NTRK3: variants seen among roughly 807,000 people sequenced by gnomAD.
NTRK3 encodes NT-3 growth factor receptor.
Under a neutral mutation model 91.7 loss-of-function variants are expected in NTRK3, and 24 were observed. The observed-to-expected ratio is 0.26, with a 90% CI of 0.19 to 0.37. The LOEUF (loss-of-function observed/expected upper bound fraction) is 0.37. Ranked by LOEUF, NTRK3 falls within the 10% of genes least tolerant of loss-of-function variation. The probability of loss-of-function intolerance (pLI) is 1.00; values close to 1 mark genes in which losing one functional copy is unlikely to be tolerated. For synonymous variants in NTRK3, 483 were observed against 404.0 expected, an observed-to-expected ratio of 1.20 and a Z score of -2.34; for missense variants, 880 against 1,068.9, an observed-to-expected ratio of 0.82 and a Z score of 2.46.
At chr15:88,252,631 C>CA (rs2053528347) in intron 3 of NTRK3, 1 of 152,464 alleles carries the variant, frequency 6.6e-6, no homozygotes, top group African/African-American at 2.4e-5. Flanking sequence ...GCGGCCCAGA[C>CA]AGTCCACCAT....
intron 16 of NTRK3, among the ~76,000 whole-genome samples, chr15:87,932,740 G>A (rs1438638261): frequency 6.6e-6 from 1 of 152,146 alleles, no homozygotes; most frequent in African/African-American, 2.4e-5. Context: ...GACTCCTTCT[G>A]GACCTATTCC....
chr15:88,227,216 C>G lies in NTRK3; in HGVS notation c.248+28690G>C, dbSNP rs182569966. 9.4e-4 allele frequency among the ~76,000 whole-genome samples: 143 copies of G among 152,280 alleles called. 1 individual carries two copies. The highest frequency in any genetic ancestry group is 3.2e-3 in the African/African-American group (134 of 41,554). On this transcript the variant is annotated intron_variant, in intron 3 of 18. Transcript: ENST00000394480. Reference sequence around the variant, plus strand: ...TCCTTCAGGCTCTCCCATCCACTGGCTCTTCCTTTGTGCCCACATTTCCCT... The same window carrying G: ...TCCTTCAGGCTCTCCCATCCACTGGGTCTTCCTTTGTGCCCACATTTCCCT...
chr15:88,094,395 G>A (rs2049358909), intron 13 of NTRK3, among the ~76,000 whole-genome samples: 1 of 150,674 alleles, frequency 6.6e-6, no homozygotes. Flanking sequence ...CGTGAACCCG[G>A]GAAGCGGAGC....
chr15:87,890,457 A>T (rs2065797878), intron 17 of NTRK3, among the ~76,000 whole-genome samples: 1 of 152,146 alleles, frequency 6.6e-6, no homozygotes, highest in African/African-American at 2.4e-5. Context: ...AGATAAATTC[A>T]TTCTCTTTAT....
At chr15:87,951,342 G>C (rs1438962654) in intron 14 of NTRK3, among the ~76,000 whole-genome samples, 1 of 152,196 alleles carries the variant, frequency 6.6e-6, no homozygotes, top group Admixed American at 6.5e-5. Context: ...GCAGCTCAGA[G>C]GAAACCAGTT....
intron 5 of NTRK3, among the ~76,000 whole-genome samples, chr15:88,179,072 C>T (rs770485707): frequency 1.3e-5 from 2 of 152,194 alleles, no homozygotes; most frequent in Non-Finnish European, 2.9e-5. Flanking sequence ...ATGTTTGCAT[C>T]TATGAAATGG....
chr15:87,873,414 T>C (rs1055694993), exon 19 of NTRK3: 14 of 230,608 alleles, frequency 6.1e-5, no homozygotes, highest in African/African-American at 2.4e-4. Context: ...GGAGGTCCCA[T>C]GGCCACAACA....
intron 10 of NTRK3, among the ~76,000 whole-genome samples, chr15:88,134,804 G>A: frequency 6.6e-6 from 1 of 152,232 alleles, no homozygotes; most frequent in Non-Finnish European, 1.5e-5. Context: ...AAAGGGCTGG[G>A]TCAGAATTCT....
Position 87,929,859 on chromosome 15 carries a change from G to A in NTRK3, c.1890-425C>T, listed in dbSNP as rs118165001. Among the ~76,000 whole-genome samples the A allele has an allele frequency of 7.9e-5, 12 of 152,240 alleles. No homozygotes were observed. The East Asian group carries it at 2.3e-3, about 29-fold the overall frequency. On this transcript the variant is annotated intron_variant, in intron 16 of 18. Coordinates refer to ENST00000394480, the Ensembl canonical transcript of NTRK3. ...CCAATTTTGAAATAAAGAAATTGAG[G>A]CACAAAATGATGAGATTGCTCAGCC...
At chr15:88,111,016 A>G (rs12594089) in intron 13 of NTRK3, among the ~76,000 whole-genome samples, 91,027 of 151,764 alleles carry the variant, frequency 0.6, 28,215 homozygotes, top group African/African-American at 0.76. Flanking sequence ...GTGCAAGAGC[A>G]TGGAGGGGTA....
chr15:88,121,970 G>A (rs1244006882), intron 13 of NTRK3, among the ~76,000 whole-genome samples: 1 of 152,204 alleles, frequency 6.6e-6, no homozygotes, highest in African/African-American at 2.4e-5. Flanking sequence ...AGGGCTCTGA[G>A]ACAAAGCATG....
intron 6 of NTRK3, among the ~76,000 whole-genome samples, chr15:88,144,551 T>C (rs1038659022): frequency 3.9e-5 from 6 of 152,078 alleles, no homozygotes; most frequent in Non-Finnish European, 7.4e-5. Context: ...TTGAGTCAGG[T>C]AAGAGAAACA....
chr15:88,048,035 A>G (rs1345802151), intron 13 of NTRK3, among the ~76,000 whole-genome samples: 1 of 152,220 alleles, frequency 6.6e-6, no homozygotes, highest in Admixed American at 6.5e-5. Flanking sequence ...CCTAGCAAGT[A>G]TCCTCAGAAT....
intron 13 of NTRK3, among the ~76,000 whole-genome samples, chr15:88,055,986 G>T (rs536913240): frequency 6.6e-6 from 1 of 151,872 alleles, no homozygotes. Flanking sequence ...AAAGTGCCCC[G>T]GCAGCAGGAT....
At chr15:88,042,028 G>C (rs911723159) in intron 13 of NTRK3, among the ~76,000 whole-genome samples, 22 of 151,926 alleles carry the variant, frequency 1.4e-4, no homozygotes, top group African/African-American at 4.8e-4. Context: ...TTTTTAATGT[G>C]TCAGAATGAA....
At chr15:88,220,852 C>CA (rs2050176536) in intron 3 of NTRK3, among the ~76,000 whole-genome samples, 1 of 152,166 alleles carries the variant, frequency 6.6e-6, no homozygotes. Flanking sequence ...GTGATCATGG[C>CA]AGAAAGGTCC....
At chr15:88,086,232 T>C (rs1275814803) in intron 13 of NTRK3, among the ~76,000 whole-genome samples, 3 of 152,186 alleles carry the variant, frequency 2.0e-5, no homozygotes, top group Non-Finnish European at 4.4e-5. Flanking sequence ...TTTGTTCAAG[T>C]GTTCAAAAAT....
chr15:88,241,952 C>A lies in NTRK3; in HGVS notation c.248+13954G>T, dbSNP rs1360964226. ...ATGGAGACCTAGGGACAATGGAGAC[C>A]TCAGGGGTCCTGCTCTCCACGGCTT... On this transcript the variant is annotated intron_variant, in intron 3 of 18. Transcript: ENST00000394480. This position sits in a 1 kb window ranked among gnomAD's most constrained non-coding sequence, Gnocchi z 4.3. Among the ~76,000 whole-genome samples the A allele has an allele frequency of 2.6e-5, 4 of 152,190 alleles. No homozygotes were observed. Among genetic ancestry groups the A allele is most frequent in the African/African-American group, 7.2e-5 (3 of 41,442 alleles).
At chr15:88,184,121 C>CGG (rs1442523416) in intron 4 of NTRK3, 104 bp downstream of exon 4, 2 of 1,108,802 alleles carry the variant, frequency 1.8e-6, no homozygotes, top group African/African-American at 3.1e-5. Context: ...GGAGAAAGCA[C>CGG]GGATGGCAGT....
Sources: gnomAD v4.1 joint callset for allele counts (sites outside exome capture counted in the v4.1 genomes callset) on GRCh38, gnomAD v4.1.1 for gene constraint, Gnocchi (gnomAD v3.1) non-coding constraint, MANE v1.5 for transcripts, NCBI Gene and HGNC (gene_info 2026-07-23, HGNC 2026-07-21) for gene names.